Variants in UBE2K observed in about 807,000 individuals in gnomAD.
UBE2K encodes the protein ubiquitin-conjugating enzyme E2 K.
In UBE2K, 6 loss-of-function variants were observed where a neutral mutation model predicts 30.0. That is an observed-to-expected ratio of 0.20 (90% CI 0.11 to 0.39). The LOEUF is 0.39. Among genes scored for constraint, UBE2K ranks in the 10% least tolerant of loss-of-function variants. The pLI is 1.00. For synonymous variants in UBE2K, 86 were observed against 83.7 expected (o/e 1.03, Z -0.15); for missense variants, 61 against 241.6 (o/e 0.25, Z 4.96).
rs148212279 is a variant in UBE2K at position 39,712,709 on chromosome 4, C to T, written c.63+14319C>T. Reference sequence around the variant, plus strand: ...TGCTGGGATTACAGGCGTGAGCCACCGCACTCGGCCTACATTTTTAAGACT... The same window carrying T: ...TGCTGGGATTACAGGCGTGAGCCACTGCACTCGGCCTACATTTTTAAGACT... On this transcript the variant is annotated intron_variant, in intron 1 of 6. Transcript: ENST00000261427. Among the ~76,000 whole-genome samples the T allele has an allele frequency of 3.1e-3, 475 of 151,802 alleles. 1 individual carries two copies. The highest frequency in any genetic ancestry group is 0.01 in the Middle Eastern group (3 of 290).
In UBE2K at chr4:39,710,656, A is replaced by G. The variant is rs188232535; in HGVS notation, c.63+12266A>G. Among the ~76,000 whole-genome samples the G allele has an allele frequency of 3.9e-5, 6 of 152,208 alleles. No individual in the cohort carries two copies. In the East Asian group the frequency reaches 1.2e-3, roughly 29 times the overall value. On this transcript the variant is annotated intron_variant, in intron 1 of 6. Coordinates refer to ENST00000261427, the MANE Select transcript of UBE2K (RefSeq NM_005339.5). ...CAACAGTTGCAGCTGTGAAGAAATT[A>G]AGTAACTTTCTCAGTATCAGTAACT... is the stretch of plus-strand genomic sequence containing the variant.
intron 1 of UBE2K, among the ~76,000 whole-genome samples, chr4:39,734,491 A>G (rs187221814): frequency 7.2e-5 from 11 of 152,116 alleles, no homozygotes; most frequent in East Asian, 5.8e-4. Flanking sequence ...AAAAAGAGCA[A>G]TTTTTTTCTG....
Position 39,737,416 on chromosome 4 carries a change from T to C in UBE2K, c.64-4T>C, listed in dbSNP as rs770377034. 4.6e-6 allele frequency: 7 copies of C among 1,530,492 alleles called. No homozygotes were observed. Among genetic ancestry groups the C allele is most frequent in the Non-Finnish European group, 4.4e-6 (5 of 1,142,060 alleles). The allele number at this position is 1,530,492 out of a possible 1,614,324, so 94.8% of individuals were successfully genotyped here. The stretch of plus-strand genomic sequence containing the variant: ...CTAACATTTATTTTCTGTTTATTTT[T>C]AAGACGAGCAAAAATCAAATTAAAG... On this transcript the variant is annotated splice_polypyrimidine_tract_variant and splice_region_variant and intron_variant, in intron 1 of 6. Coordinates refer to ENST00000261427, the MANE Select transcript of UBE2K (RefSeq NM_005339.5).
chr4:39,782,693 C>G lies in UBE2K; in HGVS notation c.*4259C>G, dbSNP rs1471428825. The G allele has an allele frequency of 6.6e-6, 1 of 152,156 alleles. No individual in the cohort carries two copies. The highest frequency in any genetic ancestry group is 2.4e-5 in the African/African-American group (1 of 41,434). 9.4% of individuals were successfully genotyped at this position (152,156 alleles called of 1,614,324 possible). On this transcript the variant is annotated 3_prime_UTR_variant, in exon 7 of 7. Coordinates refer to ENST00000261427, the MANE Select transcript of UBE2K (RefSeq NM_005339.5). ...AACTACGAAACACTTTTGTACACAA[C>G]TGATTTTTTAAAAAATAAACACATT...
chr4:39,727,649 C>T (rs1578443198), intron 1 of UBE2K, among the ~76,000 whole-genome samples: 2 of 151,830 alleles, frequency 1.3e-5, no homozygotes, highest in Non-Finnish European at 2.9e-5. Flanking sequence ...ATCAGCCCAT[C>T]TCCACCACCC....
intron 1 of UBE2K, among the ~76,000 whole-genome samples, chr4:39,699,369 T>G (rs1717882188): frequency 6.6e-6 from 1 of 152,216 alleles, no homozygotes; most frequent in Non-Finnish European, 1.5e-5. Context: ...TAATACATTG[T>G]TTCATCTCCT....
chr4:39,772,673 TATTA>T (rs1003687480), intron 4 of UBE2K, among the ~76,000 whole-genome samples: 2 of 150,736 alleles, frequency 1.3e-5, no homozygotes, highest in African/African-American at 2.5e-5. Flanking sequence ...TACATACCTC[TATTA>T]ATTGATAAAG....
At chr4:39,770,780 G>C (rs1321755252) in intron 4 of UBE2K, 2 of 1,580,524 alleles carry the variant, frequency 1.3e-6, no homozygotes, top group African/African-American at 1.4e-5. Flanking sequence ...GCTTGAGCCG[G>C]TGTGCGATGT....
chr4:39,767,322 TTG>T (rs1344953906), intron 4 of UBE2K, among the ~76,000 whole-genome samples: 2 of 150,996 alleles, frequency 1.3e-5, no homozygotes, highest in African/African-American at 2.4e-5. Flanking sequence ...TGTGTGTGTT[TTG>T]TTTGTTTGTT....
chr4:39,770,040 A>G, intron 4 of UBE2K: 1 of 1,481,430 alleles, frequency 6.8e-7, no homozygotes, highest in Non-Finnish European at 9.0e-7. Flanking sequence ...TTCCCCACCT[A>G]GCCCAGGGAC....
chr4:39,774,977 GTC>G, intron 5 of UBE2K, 44 bp downstream of exon 5: 3 of 1,359,286 alleles, frequency 2.2e-6, no homozygotes, highest in Non-Finnish European at 2.0e-6. Context: ...TTATGTATGA[GTC>G]TCTAGCCACT....
At chr4:39,774,569 T>TCGC (rs1445467713) in intron 4 of UBE2K, among the ~76,000 whole-genome samples, 2 of 150,384 alleles carry the variant, frequency 1.3e-5, no homozygotes, top group Admixed American at 6.6e-5. Flanking sequence ...ACCGAGACTA[T>TCGC]ACCACTGCAC....
chr4:39,742,991 A>C (rs1208555253), intron 2 of UBE2K, among the ~76,000 whole-genome samples: 1 of 151,982 alleles, frequency 6.6e-6, no homozygotes, highest in Non-Finnish European at 1.5e-5. Flanking sequence ...GGTTGCAGTG[A>C]GCCAAGATTG....
rs1264564423 is a variant in UBE2K at position 39,707,930 on chromosome 4, CTT to C, written c.63+9541_63+9542del. ...TTTTTTTTTCTGAGACAGTTTTGCT[CTT>C]GTTGCCCAGGCTGGAGTGCAGTGGC... On this transcript the variant is annotated intron_variant, in intron 1 of 6. Transcript: ENST00000261427. Among the ~76,000 whole-genome samples, 6 of 151,164 alleles carry C rather than the reference CTT, an allele frequency of 4.0e-5. 1 individual carries two copies. The South Asian group carries it at 1.3e-3, about 32-fold the overall frequency.
At position 39,714,531 on chromosome 4, in the gene UBE2K, TATATATATATATATATA is replaced by T. The variant is rs1201571530; in HGVS notation, c.63+16142_63+16158del. 15 of 31,330 alleles carry T rather than the reference TATATATATATATATATA, an allele frequency of 4.8e-4. 1 individual carries two copies. Among genetic ancestry groups the T allele is most frequent in the African/African-American group, 4.0e-3 (15 of 3,736 alleles). 1.9% of individuals were successfully genotyped at this position (31,330 alleles called of 1,614,324 possible). ...TTTAGAAGTTTCATATATATATATA[TATATATATATATATATA>T]TATTTTTTTTTTTTTTTAAGACTGA... On this transcript the variant is annotated intron_variant, in intron 1 of 6. Transcript: ENST00000261427.
rs540330239 is a variant in UBE2K at position 39,740,527 on chromosome 4, C to T, written c.157+3014C>T. ...TGCTGCACTCCAGCCTGGGCGACAGCGAGACTCTGTCCCAAAAAGAAAAAA... is the reference window on the plus strand; with the variant it reads ...TGCTGCACTCCAGCCTGGGCGACAGTGAGACTCTGTCCCAAAAAGAAAAAA... On this transcript the variant is annotated intron_variant, in intron 2 of 6. Coordinates refer to ENST00000261427, the MANE Select transcript of UBE2K (RefSeq NM_005339.5). Among the ~76,000 whole-genome samples the T allele has an allele frequency of 7.8e-4, 109 of 139,918 alleles. 2 individuals carry two copies. The South Asian group carries it at 0.023, about 29-fold the overall frequency. 91.8% of individuals were successfully genotyped at this position (139,918 alleles called of 152,430 possible).
intron 4 of UBE2K, among the ~76,000 whole-genome samples, chr4:39,768,033 T>G (rs1712461656): frequency 6.6e-6 from 1 of 152,180 alleles, no homozygotes; most frequent in Non-Finnish European, 1.5e-5. Flanking sequence ...GTCAGCTTTA[T>G]GCTGATAACA....
intron 3 of UBE2K, 43 bp downstream of exon 3, chr4:39,745,853 T>C: frequency 7.1e-7 from 1 of 1,409,190 alleles, no homozygotes. Context: ...CAAAATATTT[T>C]ATATTTCTGA....
chr4:39,758,381 G>A (rs1403947445), intron 4 of UBE2K, among the ~76,000 whole-genome samples: 1 of 152,048 alleles, frequency 6.6e-6, no homozygotes, highest in Admixed American at 6.6e-5. Context: ...TGACAACTTT[G>A]AAAACAAAGC....
Sources: allele counts gnomAD v4.1 joint callset (sites outside exome capture counted in the v4.1 genomes callset), GRCh38; gene constraint gnomAD v4.1.1; transcripts MANE v1.5; gene names NCBI Gene and HGNC (gene_info 2026-07-23, HGNC 2026-07-21).